The following KLF12 variants were observed in gnomAD, a reference collection of about 807,000 sequenced individuals.
KLF12 encodes KLF transcription factor 12.
In KLF12, 9 loss-of-function variants were observed where a neutral mutation model predicts 37.8. The ratio of observed to expected loss-of-function variants is 0.24; its 90% confidence interval spans 0.14 to 0.42. KLF12 has a LOEUF of 0.42. KLF12 is among the 10% of genes least tolerant of loss of function. The probability of loss-of-function intolerance (pLI) is 1.00; values close to 1 mark genes in which losing one functional copy is unlikely to be tolerated. For missense variants in KLF12, 411 were observed against 516.0 expected (o/e 0.80, Z 1.97); for synonymous variants, 208 against 202.1 (o/e 1.03, Z -0.25).
the KLF12 span, among the ~76,000 whole-genome samples, chr13:74,194,041 T>C: frequency 2.0e-5 from 3 of 152,152 alleles, no homozygotes; most frequent in Non-Finnish European, 4.4e-5. Context: ...TTCATTTTCT[T>C]TTTTCCTAAA....
chr13:73,769,716 T>G (rs1417266562), intron 5 of KLF12, among the ~76,000 whole-genome samples: 1 of 152,162 alleles, frequency 6.6e-6, no homozygotes, highest in Non-Finnish European at 1.5e-5. Context: ...AAAAAAAAGA[T>G]GTTCCTTCTG....
At chr13:73,786,055 AGGGAGTTG>A (rs1204957142) in intron 5 of KLF12, among the ~76,000 whole-genome samples, 1 of 151,764 alleles carries the variant, frequency 6.6e-6, no homozygotes, top group Non-Finnish European at 1.5e-5. Context: ...GAGCAGTGTT[AGGGAGTTG>A]CCCTGTGCAA....
At chr13:74,037,794 G>A (rs764735302) in intron 1 of KLF12, among the ~76,000 whole-genome samples, 183 of 152,176 alleles carry the variant, frequency 1.2e-3, no homozygotes, top group Non-Finnish European at 1.3e-3. Flanking sequence ...GGGATGATCT[G>A]TGGACTGGGC....
the KLF12 span, among the ~76,000 whole-genome samples, chr13:74,240,378 T>C: frequency 9.1e-3 from 910 of 100,518 alleles, 20 homozygotes; most frequent in African/African-American, 0.039. Flanking sequence ...CCCTTAACAT[T>C]TTTTCCTTCA....
chr13:74,209,522 T>TCACACA, the KLF12 span, among the ~76,000 whole-genome samples: 7,323 of 145,912 alleles, frequency 0.05, 290 homozygotes, highest in African/African-American at 0.11. Flanking sequence ...AACATCTTAG[T>TCACACA]CACACACACA....
chr13:73,920,279 G>A (rs767908012), intron 3 of KLF12, among the ~76,000 whole-genome samples: 1 of 152,014 alleles, frequency 6.6e-6, no homozygotes, highest in Non-Finnish European at 1.5e-5. Flanking sequence ...ATACACATAT[G>A]TATAACTATG....
At chr13:73,949,979 A>T (rs775057231) in intron 2 of KLF12, among the ~76,000 whole-genome samples, 1 of 152,152 alleles carries the variant, frequency 6.6e-6, no homozygotes, top group Non-Finnish European at 1.5e-5. Flanking sequence ...TCCAAATTAC[A>T]TTCTTCTGAA....
chr13:74,131,905 T>C (rs1386458725), intron 1 of KLF12, among the ~76,000 whole-genome samples: 7 of 152,194 alleles, frequency 4.6e-5, no homozygotes, highest in Non-Finnish European at 8.8e-5. Context: ...GAGCTTAATA[T>C]ATTCAATCTA....
chr13:73,715,239 C>T (rs564056543), intron 7 of KLF12, 129 bp downstream of exon 7: 268 of 641,704 alleles, frequency 4.2e-4, no homozygotes, highest in Non-Finnish European at 6.1e-4. Context: ...GAATACATTC[C>T]GCCTAGAAGG....
At chr13:73,722,515 A>C (rs1316358799) in intron 6 of KLF12, among the ~76,000 whole-genome samples, 2 of 152,198 alleles carry the variant, frequency 1.3e-5, no homozygotes, top group Non-Finnish European at 2.9e-5. Flanking sequence ...CAGCAGCTAC[A>C]TTCGGAGGTG....
rs564451856 is a variant in KLF12 at position 74,072,979 on chromosome 13, C to T, written c.-32+60760G>A. ...CCGGTGGGATGTAATTGAATCATGG[C>T]GGTGGGTTCTTCCCACGCTGTTCTC... On this transcript the variant is annotated intron_variant, in intron 1 of 7. Coordinates refer to ENST00000377669, the MANE Select transcript of KLF12 (RefSeq NM_007249.5). Among the ~76,000 whole-genome samples, 36 of 152,136 alleles carry T rather than the reference C, an allele frequency of 2.4e-4. 1 individual carries two copies. Among genetic ancestry groups the T allele is most frequent in the Non-Finnish European group, 5.0e-4 (34 of 68,026 alleles).
chr13:73,847,811 A>T (rs1405660349), intron 3 of KLF12, among the ~76,000 whole-genome samples: 1 of 152,196 alleles, frequency 6.6e-6, no homozygotes, highest in Non-Finnish European at 1.5e-5. Flanking sequence ...CTTTTCAAAG[A>T]CATTTAAAAA....
chr13:74,193,639 C>G, the KLF12 span, among the ~76,000 whole-genome samples: 1 of 152,178 alleles, frequency 6.6e-6, no homozygotes, highest in Non-Finnish European at 1.5e-5. Flanking sequence ...TTTCCACATG[C>G]AGCAAGAACA....
chr13:73,826,291 T>C (rs1883840546), intron 4 of KLF12, among the ~76,000 whole-genome samples: 1 of 152,166 alleles, frequency 6.6e-6, no homozygotes, highest in Non-Finnish European at 1.5e-5. Flanking sequence ...TTTTTATTTA[T>C]CTCATTTCTG....
intron 3 of KLF12, among the ~76,000 whole-genome samples, chr13:73,856,468 C>A (rs1885616437): frequency 1.3e-5 from 2 of 152,162 alleles, no homozygotes; most frequent in South Asian, 4.1e-4. Context: ...TACCTTAGAA[C>A]TAATAACTAC....
intron 1 of KLF12, among the ~76,000 whole-genome samples, chr13:74,030,433 T>C (rs1460576010): frequency 6.6e-6 from 1 of 152,126 alleles, no homozygotes; most frequent in Non-Finnish European, 1.5e-5. Flanking sequence ...ATATGGTCAT[T>C]AGACATCAAC....
chr13:73,800,982 G>A (rs1882253715), intron 5 of KLF12: 1 of 152,070 alleles, frequency 6.6e-6, no homozygotes, highest in Admixed American at 6.5e-5. Context: ...AAGCCACGAT[G>A]CATGATGCAT....
intron 3 of KLF12, among the ~76,000 whole-genome samples, chr13:73,850,528 T>C (rs1885280965): frequency 6.6e-6 from 1 of 152,208 alleles, no homozygotes; most frequent in Non-Finnish European, 1.5e-5. Flanking sequence ...TTTAATCACC[T>C]GGAATTTAAA....
In KLF12 at chr13:73,931,843, T is replaced by C. The variant is rs566125431; in HGVS notation, c.123+12138A>G. On this transcript the variant is annotated intron_variant, in intron 3 of 7. Transcript: ENST00000377669. ...TTTTTTTTTTACCATTTACAATACA[T>C]TGACTATTTTTAAGTAGTCTGAATA... Among the ~76,000 whole-genome samples the C allele has an allele frequency of 1.1e-3, 161 of 152,012 alleles. 1 individual carries two copies. Among genetic ancestry groups the C allele is most frequent in the African/African-American group, 3.5e-3 (146 of 41,522 alleles).
Sources: gnomAD v4.1 joint callset for allele counts (sites outside exome capture counted in the v4.1 genomes callset) on GRCh38, gnomAD v4.1.1 for gene constraint, MANE v1.5 for transcripts, NCBI Gene and HGNC (gene_info 2026-07-23, HGNC 2026-07-21) for gene names.